The following PCDHGB1 variants were observed in gnomAD, a reference collection of about 807,000 sequenced individuals.
PCDHGB1 encodes protocadherin gamma subfamily B, 1.
PCDHGB1 carries 34 observed loss-of-function variants against 56.6 expected under a neutral mutation model. The observed-to-expected ratio is 0.60, with a 90% confidence interval of 0.46 to 0.80. PCDHGB1 has a LOEUF of 0.80. Ranked by LOEUF, PCDHGB1 falls within the 30% of genes least tolerant of loss-of-function variation. The probability of loss-of-function intolerance (pLI) is 0.00; values close to 1 mark genes in which losing one functional copy is unlikely to be tolerated. For missense variants in PCDHGB1, 1,278 were observed against 1,204.6 expected, an observed-to-expected ratio of 1.06 and a Z score of -0.90; for synonymous variants, 561 against 505.9, an observed-to-expected ratio of 1.11 and a Z score of -1.46.
chr5:141,399,682 G>C, intron 1 of PCDHGB1: 2 of 1,613,512 alleles, frequency 1.2e-6, no homozygotes, highest in Non-Finnish European at 1.7e-6. Context: ...CTTTGACTAC[G>C]AGCAGCTGCG....
chr5:141,383,941 A>G (rs754217444), intron 1 of PCDHGB1: 1 of 1,613,742 alleles, frequency 6.2e-7, no homozygotes, highest in African/African-American at 1.3e-5. Flanking sequence ...TCCAGAAGTG[A>G]CTATGACGTC....
At chr5:141,388,619 C>T (rs369637121) in intron 1 of PCDHGB1, 3 of 1,613,852 alleles carry the variant, frequency 1.9e-6, no homozygotes, top group Non-Finnish European at 2.5e-6. Context: ...TCAGTCAAGA[C>T]GTATACAGGG....
intron 1 of PCDHGB1, among the ~76,000 whole-genome samples, chr5:141,492,437 C>T (rs182333697): frequency 8.5e-5 from 13 of 152,332 alleles, no homozygotes; most frequent in Admixed American, 8.5e-4. Flanking sequence ...CAGGAGTACT[C>T]GTAGCTGATT....
Position 141,432,123 on chromosome 5 carries a change from C to G in PCDHGB1, c.2410-62684C>G, listed in dbSNP as rs1224794803. On this transcript the variant is annotated intron_variant, in intron 1 of 3. Transcript: ENST00000523390. This position sits in a 1 kb window ranked among gnomAD's most constrained non-coding sequence, Gnocchi z 6.0. ...GACAACCCGCCGGTCTTCCCTCAGG[C>G]CTCCTATTCCGCTTATATCCCAGAG... 1 of 1,614,172 alleles carries G rather than the reference C, an allele frequency of 6.2e-7. No homozygotes were observed. Among genetic ancestry groups the G allele is most frequent in the Admixed American group, 1.7e-5 (1 of 60,022 alleles).
chr5:141,460,981 GTGTATATATA>G (rs1332002052), intron 1 of PCDHGB1, among the ~76,000 whole-genome samples: 6 of 121,884 alleles, frequency 4.9e-5, no homozygotes, highest in Non-Finnish European at 1.0e-4. Flanking sequence ...GTGTGTGTGT[GTGTATATATA>G]TATATGTGTA....
chr5:141,466,612 C>T (rs141916895), intron 1 of PCDHGB1, among the ~76,000 whole-genome samples: 1 of 152,262 alleles, frequency 6.6e-6, no homozygotes, highest in East Asian at 1.9e-4. Flanking sequence ...TTGTAAACTG[C>T]CGTTTTCTTT....
intron 1 of PCDHGB1, chr5:141,394,115 T>G: frequency 2.5e-6 from 4 of 1,613,954 alleles, no homozygotes; most frequent in Non-Finnish European, 3.4e-6. Flanking sequence ...CTCTGTCCAC[T>G]GAAACTCAAA....
At chr5:141,501,298 C>T (rs998006748) in intron 2 of PCDHGB1, among the ~76,000 whole-genome samples, 216 of 148,422 alleles carry the variant, frequency 1.5e-3, no homozygotes, top group Admixed American at 2.4e-3. Context: ...TATACACACA[C>T]ACACACACAC....
intron 1 of PCDHGB1, among the ~76,000 whole-genome samples, chr5:141,433,989 T>C (rs898601470): frequency 6.6e-6 from 1 of 152,248 alleles, no homozygotes; most frequent in Non-Finnish European, 1.5e-5. Context: ...AGAAGAGTTT[T>C]ATATTCTCTA....
Position 141,432,970 on chromosome 5 carries a change from G to C in PCDHGB1, c.2410-61837G>C, listed in dbSNP as rs371130763. On this transcript the variant is annotated intron_variant, in intron 1 of 3. Transcript: ENST00000523390. This position sits in a 1 kb window ranked among gnomAD's most constrained non-coding sequence, Gnocchi z 6.0. ...GAGGCGGCTTGACAGGAGCGCCGGC[G>C]TCGCACTTTGTGGGCGTGGACGGGG... is the stretch of plus-strand genomic sequence containing the variant. 25 of 1,614,114 alleles carry C rather than the reference G, an allele frequency of 1.5e-5. No individual in the cohort carries two copies. Among genetic ancestry groups the C allele is most frequent in the African/African-American group, 1.1e-4 (8 of 75,054 alleles).
rs377414044 is a variant in PCDHGB1, at chr5:141,362,475, C to G, written c.2409+9806C>G. On this transcript the variant is annotated intron_variant, in intron 1 of 3. Coordinates refer to ENST00000523390, the MANE Select transcript of PCDHGB1 (RefSeq NM_018922.3). ...CGGAATTGGTTCCCGCGCAAGATCT[C>G]GTCTGTGACAATGCCTCTTGGGAAC... is the stretch of plus-strand genomic sequence containing the variant. The G allele has an allele frequency of 9.2e-5, 149 of 1,613,908 alleles. 1 individual carries two copies. The highest frequency in any genetic ancestry group is 1.2e-4 in the Non-Finnish European group (143 of 1,179,906).
In PCDHGB1 at chr5:141,423,130, G is replaced by T. The variant is rs770258338; in HGVS notation, c.2409+70461G>T. The T allele has an allele frequency of 2.5e-6, 4 of 1,613,700 alleles. No homozygotes were observed. Among genetic ancestry groups the T allele is most frequent in the Non-Finnish European group, 2.5e-6 (3 of 1,179,952 alleles). ...GGTGCGTACAGCGCGGGCACTGCTG[G>T]ACAGAGACGCGCTCAAGCAGAGCCT... On this transcript the variant is annotated intron_variant, in intron 1 of 3. Coordinates refer to ENST00000523390, the MANE Select transcript of PCDHGB1 (RefSeq NM_018922.3).
chr5:141,494,537 G>C (rs2099755111), intron 1 of PCDHGB1, among the ~76,000 whole-genome samples: 1 of 152,168 alleles, frequency 6.6e-6, no homozygotes, highest in Non-Finnish European at 1.5e-5. Flanking sequence ...TGGGGGCAGG[G>C]AGGAAGGGGC....
chr5:141,471,646 G>C (rs935284198), intron 1 of PCDHGB1: 1 of 152,108 alleles, frequency 6.6e-6, no homozygotes, highest in Non-Finnish European at 1.5e-5. Flanking sequence ...GTAATATACT[G>C]GATGTGGGGA....
chr5:141,372,520 T>A, intron 1 of PCDHGB1: 1 of 1,614,068 alleles, frequency 6.2e-7, no homozygotes, highest in Non-Finnish European at 8.5e-7. Flanking sequence ...GCGGTGATTC[T>A]GGCAATCTCC....
Position 141,404,868 on chromosome 5 carries a change from A to G in PCDHGB1, c.2409+52199A>G, listed in dbSNP as rs375122600. On this transcript the variant is annotated intron_variant, in intron 1 of 3. Coordinates refer to ENST00000523390, the MANE Select transcript of PCDHGB1 (RefSeq NM_018922.3). Reference sequence around the variant, plus strand: ...GCCCTGCTAGATAGAGATGCGCTCAAACAGAGCCTTGTGGTGGCTGTACAG... The same window carrying G: ...GCCCTGCTAGATAGAGATGCGCTCAGACAGAGCCTTGTGGTGGCTGTACAG... 5.1e-5 allele frequency: 83 copies of G among 1,613,770 alleles called. 1 individual carries two copies. The highest frequency in any genetic ancestry group is 6.9e-5 in the Non-Finnish European group (81 of 1,179,896).
chr5:141,360,997 G>A (rs766404886), intron 1 of PCDHGB1: 2 of 1,613,426 alleles, frequency 1.2e-6, no homozygotes, highest in Non-Finnish European at 1.7e-6. Context: ...GGACGAACAA[G>A]TGAAACACTT....
intron 1 of PCDHGB1, among the ~76,000 whole-genome samples, chr5:141,468,979 C>T (rs1394344696): frequency 6.7e-6 from 1 of 149,482 alleles, no homozygotes; most frequent in African/African-American, 2.5e-5. Flanking sequence ...CTTTTGACTT[C>T]CAAAATTATT....
chr5:141,414,866 C>G (rs1413236073), intron 1 of PCDHGB1: 1 of 1,614,230 alleles, frequency 6.2e-7, no homozygotes, highest in Non-Finnish European at 8.5e-7. Flanking sequence ...GACAATGCGC[C>G]CGAGATCCTG....
Sources: allele counts gnomAD v4.1 joint callset (sites outside exome capture counted in the v4.1 genomes callset), GRCh38; gene constraint gnomAD v4.1.1; non-coding constraint Gnocchi (gnomAD v3.1); transcripts MANE v1.5; gene names NCBI Gene and HGNC (gene_info 2026-07-23, HGNC 2026-07-21).